Variants in ANGPT2 observed in about 807,000 individuals in gnomAD.
ANGPT2 encodes angiopoietin 2.
ANGPT2 carries 28 observed loss-of-function variants against 62.9 expected under a neutral mutation model. The observed-to-expected ratio is 0.44, with a 90% CI of 0.33 to 0.61. The LOEUF is 0.61. Ranked by LOEUF, ANGPT2 falls within the 20% of genes least tolerant of loss-of-function variation. The pLI is 0.03. For synonymous variants in ANGPT2, 284 were observed against 207.8 expected (o/e 1.37, Z -3.15); for missense variants, 727 against 594.9 (o/e 1.22, Z -2.31).
At chr8:6,561,264 G>A (rs1315113912) in intron 1 of ANGPT2, among the ~76,000 whole-genome samples, 1 of 152,238 alleles carries the variant, frequency 6.6e-6, no homozygotes, top group Non-Finnish European at 1.5e-5. Context: ...GACATTGCTA[G>A]TGAGTTTTAT....
chr8:6,560,526 G>C (rs1015054940), intron 1 of ANGPT2, among the ~76,000 whole-genome samples: 2 of 152,170 alleles, frequency 1.3e-5, no homozygotes, highest in African/African-American at 4.8e-5. Context: ...AACCGAGCGA[G>C]AGTGCAAATT....
intron 2 of ANGPT2, among the ~76,000 whole-genome samples, chr8:6,531,087 C>T (rs569041305): frequency 4.6e-5 from 7 of 152,274 alleles, no homozygotes; most frequent in Non-Finnish European, 7.4e-5. Context: ...AGTCAGAAAG[C>T]GGGCTTGGCC....
intron 1 of ANGPT2, 42 bp downstream of exon 1, chr8:6,562,604 TC>T: frequency 1.0e-6 from 1 of 956,778 alleles, no homozygotes; most frequent in South Asian, 2.2e-5. Context: ...GCCAAGCTGA[TC>T]TTAATAGCAT....
chr8:6,510,571 C>A (rs2442634), intron 7 of ANGPT2, among the ~76,000 whole-genome samples: 1 of 152,018 alleles, frequency 6.6e-6, no homozygotes, highest in African/African-American at 2.4e-5. Flanking sequence ...TTATAACCAC[C>A]TGCAGTGGTG....
intron 8 of ANGPT2, among the ~76,000 whole-genome samples, chr8:6,505,309 A>G (rs562686461): frequency 0.029 from 1,527 of 53,560 alleles, 115 homozygotes; most frequent in Non-Finnish European, 0.036. Context: ...ATATGTATAT[A>G]ACATATATAT....
intron 3 of ANGPT2, among the ~76,000 whole-genome samples, chr8:6,525,092 A>T (rs1818084532): frequency 6.6e-6 from 1 of 152,198 alleles, no homozygotes; most frequent in African/African-American, 2.4e-5. Flanking sequence ...CCTTTTTTTG[A>T]CAGTAACATT....
rs1295972888 is a variant in ANGPT2 at position 6,532,455 on chromosome 8, T to A, written c.321A>T (p.Lys107Asn). 4 of 1,613,836 alleles carry A rather than the reference T, an allele frequency of 2.5e-6. No individual in the cohort carries two copies. In the Admixed American group the frequency reaches 6.7e-5, roughly 27 times the overall value. ...CATTCTGCTGTATCTCTACCATTTC[T>A]TTCTTCATGTTGTCCTGGATATAAT... ...LENYIQDNMK[K>N]EMVEIQQNAV... The change falls in exon 2 of 9, where the codon AAA (lysine) becomes AAT (asparagine). Residue 107 changes from lysine to asparagine, a missense_variant. Transcript: ENST00000629816.
chr8:6,540,728 C>G (rs932594020), intron 1 of ANGPT2, among the ~76,000 whole-genome samples: 5 of 152,270 alleles, frequency 3.3e-5, no homozygotes, highest in Admixed American at 6.5e-5. Flanking sequence ...CTTGGGTTTC[C>G]CCAAAAGCAG....
intron 1 of ANGPT2, among the ~76,000 whole-genome samples, chr8:6,534,872 C>T (rs1426234062): frequency 6.6e-6 from 1 of 152,072 alleles, no homozygotes; most frequent in African/African-American, 2.4e-5. Flanking sequence ...TAAAAGAAGC[C>T]ATAAATAGCA....
intron 5 of ANGPT2, among the ~76,000 whole-genome samples, chr8:6,516,471 A>G (rs915826946): frequency 2.0e-5 from 3 of 152,196 alleles, no homozygotes; most frequent in Non-Finnish European, 4.4e-5. Flanking sequence ...CATGCTGCCA[A>G]AAACAGAGAA....
chr8:6,550,427 C>CT (rs1563110713), intron 1 of ANGPT2, among the ~76,000 whole-genome samples: 2 of 152,250 alleles, frequency 1.3e-5, no homozygotes, highest in African/African-American at 4.8e-5. Context: ...GCTTGTTGCC[C>CT]TGGCACCAAG....
Position 6,517,731 on chromosome 8 carries a change from A to G in ANGPT2, c.927+2133T>C, listed in dbSNP as rs370430025. On this transcript the variant is annotated intron_variant, in intron 5 of 8. Transcript: ENST00000629816. ...TGAGGGTATCATTGTTCTGTTACAGATGGGGAAACTGAGCTCTCAGAAAGG... is the reference window on the plus strand; with the variant it reads ...TGAGGGTATCATTGTTCTGTTACAGGTGGGGAAACTGAGCTCTCAGAAAGG... Among the ~76,000 whole-genome samples, 18 of 152,296 alleles carry G rather than the reference A, an allele frequency of 1.2e-4. No homozygotes were observed. The Middle Eastern group carries it at 0.01, about 86-fold the overall frequency.
Position 6,521,426 on chromosome 8 carries a change from A to G in ANGPT2, c.567-16T>C, listed in dbSNP as rs1817312507. On this transcript the variant is annotated splice_polypyrimidine_tract_variant and intron_variant, in intron 3 of 8. Coordinates refer to ENST00000629816, the MANE Select transcript of ANGPT2 (RefSeq NM_001118887.2). Reference sequence around the variant, plus strand: ...TTCTAGGAAACTTGTAAGGAAAAGAATTGTTAGTTAGTGAAGGCTATTCTA... The same window carrying G: ...TTCTAGGAAACTTGTAAGGAAAAGAGTTGTTAGTTAGTGAAGGCTATTCTA... 6.4e-7 allele frequency: 1 copy of G among 1,565,386 alleles called. No homozygotes were observed. Among genetic ancestry groups the G allele is most frequent in the African/African-American group, 1.4e-5 (1 of 73,462 alleles).
chr8:6,528,924 G>C (rs1405120968), intron 2 of ANGPT2, among the ~76,000 whole-genome samples: 1 of 152,124 alleles, frequency 6.6e-6, no homozygotes, highest in Non-Finnish European at 1.5e-5. Flanking sequence ...GCCAACGTAA[G>C]GTTTTGTTTG....
At chr8:6,520,478 C>T (rs562903205) in intron 4 of ANGPT2, among the ~76,000 whole-genome samples, 1 of 152,178 alleles carries the variant, frequency 6.6e-6, no homozygotes, top group South Asian at 2.1e-4. Flanking sequence ...TTACCGCATC[C>T]TCCTCCTCCC....
intron 1 of ANGPT2, among the ~76,000 whole-genome samples, chr8:6,557,535 G>T (rs28418388): frequency 0.025 from 3,838 of 152,210 alleles, 115 homozygotes; most frequent in African/African-American, 0.069. Context: ...GCCAAAGGAG[G>T]ATGTAGTGAA....
At chr8:6,560,428 A>C (rs890888115) in intron 1 of ANGPT2, among the ~76,000 whole-genome samples, 1 of 152,198 alleles carries the variant, frequency 6.6e-6, no homozygotes, top group African/African-American at 2.4e-5. Context: ...AAAACACAGG[A>C]GAAAAACAAA....
chr8:6,522,152 G>T (rs1402126081), intron 3 of ANGPT2, among the ~76,000 whole-genome samples: 1 of 151,848 alleles, frequency 6.6e-6, no homozygotes, highest in Non-Finnish European at 1.5e-5. Flanking sequence ...TCGGGAGATT[G>T]AGAGTATCCT....
chr8:6,513,254 T>C (rs1815535349), intron 7 of ANGPT2, among the ~76,000 whole-genome samples: 1 of 152,182 alleles, frequency 6.6e-6, no homozygotes, highest in Non-Finnish European at 1.5e-5. Flanking sequence ...ATAGTTTAGA[T>C]CTTGGTTAAA....
Sources: allele counts gnomAD v4.1 joint callset (sites outside exome capture counted in the v4.1 genomes callset), GRCh38; gene constraint gnomAD v4.1.1; transcripts MANE v1.5; gene names NCBI Gene and HGNC (gene_info 2026-07-23, HGNC 2026-07-21).